Variants in MBD4 observed in about 807,000 individuals in gnomAD.
The protein encoded by MBD4 is methyl-CpG binding domain 4, DNA glycosylase, also known as methyl-CpG-binding domain protein 4.
In MBD4, 53 loss-of-function variants were observed where a neutral mutation model predicts 60.2. The ratio of observed to expected loss-of-function variants is 0.88; its 90% CI spans 0.71 to 1.11. MBD4 has a LOEUF of 1.11. Ranked by LOEUF, MBD4 falls within the 50% of genes least tolerant of loss-of-function variation. MBD4 has a pLI of 0.00. For missense variants in MBD4, 619 were observed against 674.0 expected (o/e 0.92, Z 0.90); for synonymous variants, 231 against 229.8 (o/e 1.01, Z -0.05).
At chr3:129,432,156 G>A in intron 7 of MBD4, 1 of 1,325,130 alleles carries the variant, frequency 7.5e-7, no homozygotes, top group Non-Finnish European at 9.7e-7. Flanking sequence ...TACATTGCAG[G>A]CCCAAACCTT....
Position 129,436,779 on chromosome 3 carries a change from A to C in MBD4, c.865T>G (p.Cys289Gly). ...CCACATGCTCCAGCATCAGAAATGCAGACAGTTCTATCAAGCTGACTTTTT... is the reference window on the plus strand; with the variant it reads ...CCACATGCTCCAGCATCAGAAATGCCGACAGTTCTATCAAGCTGACTTTTT... ...AQKSQLDRTVCISDAGACGET... is the reference protein window; with the variant it reads ...AQKSQLDRTVGISDAGACGET... The change falls in exon 3 of 8, where the codon TGC becomes GGC. Residue 289 changes from cysteine (C) to glycine (G), a missense_variant. Physicochemically the swap from Cys to Gly is radical, Grantham distance 159. Transcript: ENST00000429544. 6.2e-7 allele frequency: 1 copy of C among 1,614,090 alleles called. No individual in the cohort carries two copies. Among genetic ancestry groups the C allele is most frequent in the South Asian group, 1.1e-5 (1 of 91,082 alleles).
In MBD4 at chr3:129,437,788, T is replaced by C. The variant is rs763357678; in HGVS notation, c.267A>G (p.Gly89=). 6.2e-7 allele frequency: 1 copy of C among 1,614,200 alleles called. No homozygotes were observed. The highest frequency in any genetic ancestry group is 1.7e-5 in the Admixed American group (1 of 60,024). Residue 89 remains glycine (G), a synonymous_variant, in exon 2 of 8, where the codon GGA becomes GGG. Transcript: ENST00000429544. ...GTECRKSVPC[G]WERVVKQRLF... is the part of the protein sequence containing the mutation. Reference sequence around the variant, plus strand: ...ACCTTTGCTTCACAACTCTTTCCCATCCACATGGGACAGACTTACGGCATT... The same window carrying C: ...ACCTTTGCTTCACAACTCTTTCCCACCCACATGGGACAGACTTACGGCATT...
chr3:129,433,232 G>C lies in MBD4; in HGVS notation c.1409C>G (p.Pro470Arg), dbSNP rs1186905360. 1 of 1,614,018 alleles carries C rather than the reference G, an allele frequency of 6.2e-7. No individual in the cohort carries two copies. Among genetic ancestry groups the C allele is most frequent in the Non-Finnish European group, 8.5e-7 (1 of 1,180,028 alleles). Residue 470 changes from proline to arginine, a missense_variant, in exon 6 of 8, where the codon CCT (proline) becomes CGT (arginine). Coordinates refer to ENST00000429544, the MANE Select transcript of MBD4 (RefSeq NM_001276270.2). ...LNRTSGKMAI[P>R]VLWKFLEKYP... Reference sequence around the variant, plus strand: ...CTTCTCCAGAAACTTCCAAAGCACAGGTATTGCCATTTTGCCTGGGAAGTA... The same window carrying C: ...CTTCTCCAGAAACTTCCAAAGCACACGTATTGCCATTTTGCCTGGGAAGTA...
rs750282577 is a variant in MBD4, at chr3:129,439,870, G to T, written c.-37C>A. On this transcript the variant is annotated 5_prime_UTR_variant, in exon 1 of 8. Transcript: ENST00000429544. ...CGGCTGCAGCAACGAGCCCAGCGCC[G>T]CAACGCCCAGGGTGTGGGGCGGAGT... 2.2e-6 allele frequency: 3 copies of T among 1,386,904 alleles called. No individual in the cohort carries two copies. Among genetic ancestry groups the T allele is most frequent in the Middle Eastern group, 1.8e-4 (1 of 5,628 alleles). The allele number at this position is 1,386,904 out of a possible 1,614,324, so 85.9% of individuals were successfully genotyped here. A position where few individuals can be genotyped will look rare whatever the true frequency, so the allele number is the denominator to read the frequency against.
Position 129,434,133 on chromosome 3 carries a change from T to G in MBD4, c.1187A>C (p.Asp396Ala). ...TTCTATCTGTGTTCGTGGGATGGTA[T>G]CTTCTGAAAAGGAAAAGTAAACACT... ...CSPTRKDFTEDTIPRTQIERR... is the reference protein window; with the variant it reads ...CSPTRKDFTEATIPRTQIERR... The change falls in exon 4 of 8, where the codon GAT (aspartate) becomes GCT (alanine). Residue 396 changes from aspartate to alanine, a missense_variant. Coordinates refer to ENST00000429544, the MANE Select transcript of MBD4 (RefSeq NM_001276270.2). The G allele has an allele frequency of 6.2e-7, 1 of 1,613,664 alleles. No homozygotes were observed. The highest frequency in any genetic ancestry group is 8.5e-7 in the Non-Finnish European group (1 of 1,179,630).
Position 129,436,682 on chromosome 3 carries a change from G to C in MBD4, c.962C>G (p.Ser321Ter), listed in dbSNP as rs886358737. The C allele has an allele frequency of 3.7e-6, 6 of 1,613,822 alleles. No individual in the cohort carries two copies. Among genetic ancestry groups the C allele is most frequent in the African/African-American group, 1.3e-5 (1 of 74,868 alleles). ...KKKERSLSSG[S>*]NFCSEQKTSG... Reference sequence around the variant, plus strand: ...AGTTTTTTGTTCAGAACAAAAATTTGATCCTGAACTCAATGATCTTTCTTT... The same window carrying C: ...AGTTTTTTGTTCAGAACAAAAATTTCATCCTGAACTCAATGATCTTTCTTT... The change falls in exon 3 of 8, where the codon TCA becomes TGA. Residue 321 changes from serine (S) to a stop codon, truncating the protein, a stop_gained. Coordinates refer to ENST00000429544, the MANE Select transcript of MBD4 (RefSeq NM_001276270.2). LOFTEE classifies it high-confidence loss of function.
Position 129,439,779 on chromosome 3 carries a change from T to TG in MBD4, c.54dup (p.Thr19HisfsTer5). 6.2e-7 allele frequency: 1 copy of TG among 1,608,656 alleles called. No homozygotes were observed. Among genetic ancestry groups the TG allele is most frequent in the Non-Finnish European group, 8.5e-7 (1 of 1,178,206 alleles). On this transcript the variant is annotated frameshift_variant, in exon 1 of 8. Coordinates refer to ENST00000429544, the MANE Select transcript of MBD4 (RefSeq NM_001276270.2). LOFTEE classifies it high-confidence loss of function. ...ACTAGGCGCTCACTAGAGGTGACGG[T>TG]GGGGGCAGCTCCGCGGTCCCCCAGA...
intron 5 of MBD4, 171 bp from the exon 6 acceptor site, chr3:129,433,418 C>A: frequency 1.4e-6 from 1 of 708,932 alleles, no homozygotes. Context: ...CTTTCAGAAT[C>A]AAATGCCAAA....
At chr3:129,433,743 A>C (rs953072615) in intron 5 of MBD4, 107 bp downstream of exon 5, 3 of 1,348,478 alleles carry the variant, frequency 2.2e-6, no homozygotes, top group Non-Finnish European at 3.2e-6. Flanking sequence ...GGAATGCCCT[A>C]TCCCAGGTGA....
rs1295079269 is a variant in MBD4, at chr3:129,437,094, A to G, written c.550T>C (p.Cys184Arg). 6.2e-7 allele frequency: 1 copy of G among 1,613,936 alleles called. No homozygotes were observed. The highest frequency in any genetic ancestry group is 2.2e-5 in the East Asian group (1 of 44,894). The part of the protein sequence containing the change: ...SNWNLRTRSK[C>R]KKDVFMPPSS... ...GGCGGCATAAACACATCCTTTTTGC[A>G]CTTGCTTCGGGTCCTGAGGTTCCAG... Residue 184 changes from cysteine to arginine, a missense_variant, in exon 3 of 8, where the codon TGC becomes CGC. By Grantham distance (180) the Cys-to-Arg change is radical. Coordinates refer to ENST00000429544, the MANE Select transcript of MBD4 (RefSeq NM_001276270.2).
At chr3:129,432,022 G>C (rs2072354422) in intron 7 of MBD4, among the ~76,000 whole-genome samples, 1 of 152,144 alleles carries the variant, frequency 6.6e-6, no homozygotes, top group Non-Finnish European at 1.5e-5. Flanking sequence ...CAGCATACCA[G>C]GCCACCCACC....
At chr3:129,432,338 CA>C in intron 7 of MBD4, 164 bp downstream of exon 7, 1 of 1,522,504 alleles carries the variant, frequency 6.6e-7, no homozygotes, top group Non-Finnish European at 8.8e-7. Flanking sequence ...GCCTACTGAT[CA>C]AAAACCCCAA....
chr3:129,431,530 C>T lies in MBD4; in HGVS notation c.1696G>A (p.Glu566Lys), dbSNP rs1298446656. The stretch of plus-strand genomic sequence containing the variant: ...GATAGACTTAATTTTTCATGATTTT[C>T]CCAAAGCCAGTCATGATATTTATTT... ...KLNKYHDWLW[E>K]NHEKLSLS Residue 566 changes from glutamate (E) to lysine (K), a missense_variant, in exon 8 of 8, where the codon GAA (glutamate) becomes AAA (lysine). Transcript: ENST00000429544. The T allele has an allele frequency of 2.5e-6, 4 of 1,613,434 alleles. No homozygotes were observed. The highest frequency in any genetic ancestry group is 1.7e-5 in the Admixed American group (1 of 60,020).
At position 129,439,932 on chromosome 3, in the gene MBD4, G is replaced by A. The variant is rs2072720136; in HGVS notation, c.-99C>T. On this transcript the variant is annotated 5_prime_UTR_variant, in exon 1 of 8. Coordinates refer to ENST00000429544, the MANE Select transcript of MBD4 (RefSeq NM_001276270.2). The stretch of plus-strand genomic sequence containing the variant: ...CCTCTTCAGCTCACGGCACCGGGCT[G>A]CAACCGAGGTCTGAATGTTGCGAAA... 1 of 898,598 alleles carries A rather than the reference G, an allele frequency of 1.1e-6. No homozygotes were observed. The highest frequency in any genetic ancestry group is 1.8e-6 in the Non-Finnish European group (1 of 553,944). The allele number at this position is 898,598 out of a possible 1,614,324, so 55.7% of individuals were successfully genotyped here. A position where few individuals can be genotyped will look rare whatever the true frequency, so the allele number is the denominator to read the frequency against.
At chr3:129,437,588 A>C (rs2072491244) in intron 2 of MBD4, 132 bp downstream of exon 2, 2 of 713,300 alleles carry the variant, frequency 2.8e-6, no homozygotes, top group Admixed American at 2.5e-5. Flanking sequence ...AATTAATAGC[A>C]ACATTGAAAG....
intron 7 of MBD4, among the ~76,000 whole-genome samples, chr3:129,431,828 G>A (rs1025179723): frequency 1.2e-4 from 18 of 152,154 alleles, no homozygotes; most frequent in Admixed American, 1.2e-3. Context: ...GTGGGGTGGC[G>A]ATAACATGAG....
At chr3:129,435,782 T>A (rs2072446546) in intron 3 of MBD4, among the ~76,000 whole-genome samples, 1 of 152,186 alleles carries the variant, frequency 6.6e-6, no homozygotes, top group Admixed American at 6.5e-5. Context: ...AAGGTCTCCC[T>A]TTTATCTCTT....
chr3:129,439,840 G>A lies in MBD4; in HGVS notation c.-7C>T. On this transcript the variant is annotated 5_prime_UTR_variant, in exon 1 of 8. Coordinates refer to ENST00000429544, the MANE Select transcript of MBD4 (RefSeq NM_001276270.2). ...CCAGCCCAGTCGTGCCCATCGAGCAGGGTCCGGCTGCAGCAACGAGCCCAG... is the reference window on the plus strand; with the variant it reads ...CCAGCCCAGTCGTGCCCATCGAGCAAGGTCCGGCTGCAGCAACGAGCCCAG... 1 of 1,604,162 alleles carries A rather than the reference G, an allele frequency of 6.2e-7. No homozygotes were observed. The highest frequency in any genetic ancestry group is 2.2e-5 in the East Asian group (1 of 44,734).
chr3:129,435,687 G>A (rs578250598), intron 3 of MBD4, among the ~76,000 whole-genome samples: 1 of 152,218 alleles, frequency 6.6e-6, no homozygotes, highest in East Asian at 1.9e-4. Context: ...TTCCCCACAG[G>A]AGTTTAAGTA....
Sources: gnomAD v4.1 joint callset for allele counts (sites outside exome capture counted in the v4.1 genomes callset) on GRCh38, gnomAD v4.1.1 for gene constraint, MANE v1.5 for transcripts, NCBI Gene and HGNC (gene_info 2026-07-23, HGNC 2026-07-21) for gene names.